The following ENPP6 variants were observed in gnomAD, a reference collection of about 807,000 sequenced individuals.
The protein encoded by ENPP6 is glycerophosphocholine cholinephosphodiesterase ENPP6.
ENPP6 carries 32 observed loss-of-function variants against 42.0 expected under a neutral mutation model. The observed-to-expected ratio is 0.76, with a 90% CI of 0.58 to 1.02. The LOEUF is 1.02. ENPP6 is among the 50% of genes least tolerant of loss of function. The pLI is 0.00. For synonymous variants in ENPP6, 213 were observed against 216.0 expected (o/e 0.99, Z 0.12); for missense variants, 552 against 566.8 (o/e 0.97, Z 0.27).
rs968689240 is a variant in ENPP6, at chr4:184,198,509, G to A, written c.241+19070C>T. On this transcript the variant is annotated intron_variant, in intron 1 of 7. Coordinates refer to ENST00000296741, the MANE Select transcript of ENPP6 (RefSeq NM_153343.4). ...GCTCCCAGAGGTGGTGGCACTGAGA[G>A]AAGGATAGTGACAAAAACCTCAAGC... is the stretch of plus-strand genomic sequence containing the variant. 2.0e-5 allele frequency among the ~76,000 whole-genome samples: 3 copies of A among 152,206 alleles called. No individual in the cohort carries two copies. The East Asian group carries it at 5.8e-4, about 29-fold the overall frequency.
chr4:184,197,196 T>A (rs1347853374), intron 1 of ENPP6, among the ~76,000 whole-genome samples: 1 of 152,136 alleles, frequency 6.6e-6, no homozygotes, highest in Non-Finnish European at 1.5e-5. Flanking sequence ...CCAAGCTGAG[T>A]CCAGAAACCA....
chr4:184,151,961 G>C (rs1474360540), intron 2 of ENPP6, among the ~76,000 whole-genome samples: 4 of 152,204 alleles, frequency 2.6e-5, no homozygotes, highest in Non-Finnish European at 5.9e-5. Flanking sequence ...TTGCTCAAAG[G>C]TGTCTTGCGT....
intron 1 of ENPP6, among the ~76,000 whole-genome samples, chr4:184,196,229 G>A (rs1164208560): frequency 6.6e-6 from 1 of 152,176 alleles, no homozygotes; most frequent in African/African-American, 2.4e-5. Context: ...TCGCCTCAGC[G>A]AACCTTCCCT....
chr4:184,179,643 G>T (rs1732516349), intron 1 of ENPP6, among the ~76,000 whole-genome samples: 1 of 151,886 alleles, frequency 6.6e-6, no homozygotes, highest in Non-Finnish European at 1.5e-5. Context: ...AAATGCAAAA[G>T]AAATGAAATA....
At chr4:184,128,052 CA>C (rs933399296) in intron 2 of ENPP6, among the ~76,000 whole-genome samples, 2 of 151,594 alleles carry the variant, frequency 1.3e-5, no homozygotes, top group East Asian at 1.9e-4. Flanking sequence ...AGGAAAAAAA[CA>C]AAAAAAATTG....
chr4:184,164,005 G>A (rs1333960973), intron 1 of ENPP6, among the ~76,000 whole-genome samples: 3 of 152,198 alleles, frequency 2.0e-5, no homozygotes, highest in African/African-American at 4.8e-5. Flanking sequence ...GGGGCCACCC[G>A]CTGGAAGCCT....
intron 1 of ENPP6, among the ~76,000 whole-genome samples, chr4:184,202,045 C>T (rs1385171800): frequency 6.6e-6 from 1 of 152,202 alleles, no homozygotes; most frequent in Admixed American, 6.5e-5. Flanking sequence ...CTAGGACCCA[C>T]AGGATCAATT....
At chr4:184,109,628 T>C (rs1736166402) in intron 6 of ENPP6, among the ~76,000 whole-genome samples, 1 of 152,242 alleles carries the variant, frequency 6.6e-6, no homozygotes, top group African/African-American at 2.4e-5. Flanking sequence ...TTATTTCTGA[T>C]GTTCTTTTGT....
rs182306867 is a variant in ENPP6 at position 184,110,654 on chromosome 4, G to A, written c.993+2018C>T. ...CCTGACGGGATATGATGTGATGCAT[G>A]GAGCTGCAGCAGCCACCTTGTGACG... On this transcript the variant is annotated intron_variant, in intron 6 of 7. Coordinates refer to ENST00000296741, the MANE Select transcript of ENPP6 (RefSeq NM_153343.4). 2.2e-3 allele frequency among the ~76,000 whole-genome samples: 339 copies of A among 152,282 alleles called. 8 individuals carry two copies. The highest frequency in any genetic ancestry group is 9.6e-4 in the East Asian group (5 of 5,186).
chr4:184,213,778 A>C (rs1375509514), intron 1 of ENPP6, among the ~76,000 whole-genome samples: 1 of 147,968 alleles, frequency 6.8e-6, no homozygotes, highest in Non-Finnish European at 1.5e-5. Context: ...CTGCTATAAA[A>C]ACACATGCAC....
intron 1 of ENPP6, among the ~76,000 whole-genome samples, chr4:184,159,975 C>T (rs913571536): frequency 5.9e-5 from 9 of 152,202 alleles, no homozygotes; most frequent in Non-Finnish European, 1.3e-4. Flanking sequence ...CTGCTAAAGA[C>T]ATTATTTCAT....
chr4:184,114,664 T>G (rs1579615905), intron 5 of ENPP6, among the ~76,000 whole-genome samples: 3 of 152,032 alleles, frequency 2.0e-5, no homozygotes, highest in Middle Eastern at 6.8e-3. Flanking sequence ...ACTTGAACAG[T>G]ACCTTGGAAG....
intron 2 of ENPP6, among the ~76,000 whole-genome samples, chr4:184,141,556 C>T (rs556673528): frequency 1.3e-5 from 2 of 152,312 alleles, no homozygotes; most frequent in Non-Finnish European, 2.9e-5. Flanking sequence ...TGTCTTGTTT[C>T]CTCATCATTC....
At chr4:184,198,491 G>A (rs1382754168) in intron 1 of ENPP6, among the ~76,000 whole-genome samples, 1 of 152,192 alleles carries the variant, frequency 6.6e-6, no homozygotes, top group East Asian at 1.9e-4. Context: ...GCAGCTCCCA[G>A]AGGTGGTGGC....
rs891311330 is a variant in ENPP6, at chr4:184,103,595, A to T, written c.994-6227T>A. Among the ~76,000 whole-genome samples the T allele has an allele frequency of 2.0e-5, 3 of 152,182 alleles. No individual in the cohort carries two copies. In the East Asian group the frequency reaches 5.8e-4, roughly 29 times the overall value. ...AATGATGACAGTTTGGCTGGCTTGG[A>T]TGGTTTTGCTGCTAGTGTGAAGGTC... is the stretch of plus-strand genomic sequence containing the variant. On this transcript the variant is annotated intron_variant, in intron 6 of 7. Transcript: ENST00000296741.
rs146215579 is a variant in ENPP6, at chr4:184,189,499, C to T, written c.241+28080G>A. Among the ~76,000 whole-genome samples the T allele has an allele frequency of 1.1e-4, 16 of 152,200 alleles. No homozygotes were observed. The East Asian group carries it at 2.3e-3, about 22-fold the overall frequency. The stretch of plus-strand genomic sequence containing the variant: ...GTAAAGGTAAGCATGGACAGGCTTC[C>T]GGTGCTAAGCAATGCTGAAGCTCCG... On this transcript the variant is annotated intron_variant, in intron 1 of 7. Transcript: ENST00000296741.
chr4:184,123,369 G>A (rs962563184), intron 3 of ENPP6, among the ~76,000 whole-genome samples: 1 of 152,064 alleles, frequency 6.6e-6, no homozygotes, highest in Non-Finnish European at 1.5e-5. Flanking sequence ...GGGGGATGAA[G>A]GTCCTGTCCC....
At chr4:184,212,728 G>GA (rs1207397007) in intron 1 of ENPP6, among the ~76,000 whole-genome samples, 9 of 151,786 alleles carry the variant, frequency 5.9e-5, no homozygotes, top group Middle Eastern at 3.4e-3. Context: ...CACAGAATTG[G>GA]AAAAAACTAC....
chr4:184,107,213 C>T (rs1736111485), intron 6 of ENPP6, among the ~76,000 whole-genome samples: 1 of 152,210 alleles, frequency 6.6e-6, no homozygotes. Flanking sequence ...TTCCAGAAGA[C>T]AGGGAACAGG....
Sources: allele counts gnomAD v4.1 joint callset (sites outside exome capture counted in the v4.1 genomes callset), GRCh38; gene constraint gnomAD v4.1.1; transcripts MANE v1.5; gene names NCBI Gene and HGNC (gene_info 2026-07-23, HGNC 2026-07-21).